Variants in WWOX observed in about 807,000 individuals in gnomAD.
WWOX encodes the protein WW domain containing oxidoreductase, also known as WW domain-containing oxidoreductase.
Under a neutral mutation model 46.2 loss-of-function variants are expected in WWOX, and 69 were observed. That is an observed-to-expected ratio of 1.49 (90% CI 1.23 to 1.82). The LOEUF (loss-of-function observed/expected upper bound fraction) is 1.82. Ranked by LOEUF, WWOX falls within the 40% of genes most tolerant of loss-of-function variation. WWOX has a pLI of 0.00. For synonymous variants in WWOX, 359 were observed against 202.6 expected, an observed-to-expected ratio of 1.77 and a Z score of -6.56; for missense variants, 919 against 542.6, an observed-to-expected ratio of 1.69 and a Z score of -6.89.
At chr16:78,932,907 G>C (rs906818644) in intron 8 of WWOX, among the ~76,000 whole-genome samples, 1 of 152,212 alleles carries the variant, frequency 6.6e-6, no homozygotes, top group South Asian at 2.1e-4. Context: ...AAGTCACTTA[G>C]GAGGAGAACA....
At chr16:78,147,564 C>G (rs1037129217) in intron 4 of WWOX, among the ~76,000 whole-genome samples, 1 of 151,744 alleles carries the variant, frequency 6.6e-6, no homozygotes, top group South Asian at 2.1e-4. Flanking sequence ...TTCCACGTGA[C>G]TTTGGTAGCA....
chr16:78,765,552 G>A (rs550084900), intron 8 of WWOX, among the ~76,000 whole-genome samples: 54 of 152,210 alleles, frequency 3.5e-4, no homozygotes, highest in African/African-American at 1.2e-3. Context: ...GATAGCGGGC[G>A]CCTGTAATCC....
At chr16:78,618,249 A>T (rs2046078968) in intron 8 of WWOX, among the ~76,000 whole-genome samples, 1 of 152,226 alleles carries the variant, frequency 6.6e-6, no homozygotes, top group African/African-American at 2.4e-5. Context: ...GCACTGACGC[A>T]GTTCTCACTC....
chr16:78,320,186 T>G (rs778520478), intron 5 of WWOX, among the ~76,000 whole-genome samples: 5 of 152,200 alleles, frequency 3.3e-5, no homozygotes, highest in Non-Finnish European at 5.9e-5. Flanking sequence ...AAAACCTTCC[T>G]TGCATGTACG....
At chr16:78,634,069 C>A (rs1216591797) in intron 8 of WWOX, among the ~76,000 whole-genome samples, 1 of 152,148 alleles carries the variant, frequency 6.6e-6, no homozygotes, top group African/African-American at 2.4e-5. Context: ...AGTGAGCACT[C>A]TTGAACCCAG....
chr16:78,682,945 T>G (rs2047764303), intron 8 of WWOX, among the ~76,000 whole-genome samples: 1 of 152,134 alleles, frequency 6.6e-6, no homozygotes, highest in Non-Finnish European at 1.5e-5. Flanking sequence ...AGTGAGTGAT[T>G]TCCCCGCGTA....
At chr16:78,183,905 T>G (rs1178752713) in intron 5 of WWOX, among the ~76,000 whole-genome samples, 2 of 152,212 alleles carry the variant, frequency 1.3e-5, no homozygotes, top group Non-Finnish European at 1.5e-5. Flanking sequence ...CTCTGGTCCG[T>G]GAGCCAATTT....
At chr16:79,078,070 C>G (rs1435852577) in intron 8 of WWOX, 1 of 152,168 alleles carries the variant, frequency 6.6e-6, no homozygotes, top group African/African-American at 2.4e-5. Flanking sequence ...AAAAGGTCCC[C>G]TCCCCAGATT....
intron 8 of WWOX, among the ~76,000 whole-genome samples, chr16:78,438,398 T>A (rs573793813): frequency 1.3e-5 from 2 of 152,234 alleles, no homozygotes; most frequent in Admixed American, 6.5e-5. Flanking sequence ...TTATGCTTCC[T>A]TTTTAAAATG....
chr16:78,845,817 A>G (rs1008762879), intron 8 of WWOX, among the ~76,000 whole-genome samples: 2 of 152,254 alleles, frequency 1.3e-5, no homozygotes, highest in African/African-American at 4.8e-5. Flanking sequence ...TTATGTGGGC[A>G]CTTAAGACAT....
chr16:78,547,117 C>T (rs1263614835), intron 8 of WWOX, among the ~76,000 whole-genome samples: 3 of 113,200 alleles, frequency 2.7e-5, no homozygotes, highest in East Asian at 5.8e-4. Context: ...GAGTGTGAGA[C>T]CTTGTCTCAG....
At chr16:78,666,036 A>G (rs777379788) in intron 8 of WWOX, among the ~76,000 whole-genome samples, 36 of 151,914 alleles carry the variant, frequency 2.4e-4, no homozygotes, top group African/African-American at 8.0e-4. Flanking sequence ...TGTAATCCCA[A>G]CACTCTGGGA....
intron 8 of WWOX, among the ~76,000 whole-genome samples, chr16:78,628,269 G>A (rs562948865): frequency 2.6e-5 from 4 of 152,130 alleles, no homozygotes; most frequent in Non-Finnish European, 4.4e-5. Context: ...CACATTGAGT[G>A]GTGCTAATGT....
intron 8 of WWOX, among the ~76,000 whole-genome samples, chr16:79,014,583 C>T (rs1045807495): frequency 2.6e-5 from 4 of 152,168 alleles, no homozygotes; most frequent in African/African-American, 9.7e-5. Context: ...GCAAAAACAA[C>T]CCAACTCCTA....
At chr16:78,556,158 T>C (rs1335576957) in intron 8 of WWOX, among the ~76,000 whole-genome samples, 1 of 151,868 alleles carries the variant, frequency 6.6e-6, no homozygotes, top group East Asian at 1.9e-4. Flanking sequence ...AGAGGGTCAA[T>C]TAGGCCCTCC....
chr16:78,421,224 G>A (rs566856029), intron 6 of WWOX, among the ~76,000 whole-genome samples: 1 of 152,288 alleles, frequency 6.6e-6, no homozygotes, highest in Admixed American at 6.5e-5. Context: ...CAGTTTCAGA[G>A]ACCAAACATC....
At chr16:78,883,003 C>T (rs573678663) in intron 8 of WWOX, among the ~76,000 whole-genome samples, 5 of 151,996 alleles carry the variant, frequency 3.3e-5, no homozygotes, top group African/African-American at 9.7e-5. Flanking sequence ...TGGCTGCTCC[C>T]GACACAAGGA....
intron 8 of WWOX, among the ~76,000 whole-genome samples, chr16:78,830,669 A>G (rs528822683): frequency 2.2e-4 from 34 of 151,672 alleles, no homozygotes; most frequent in Non-Finnish European, 4.7e-4. Flanking sequence ...TGCAGCACCG[A>G]TTGGGGCTGA....
chr16:78,894,270 C>G (rs764499525), intron 8 of WWOX, among the ~76,000 whole-genome samples: 3 of 152,058 alleles, frequency 2.0e-5, no homozygotes, highest in Admixed American at 6.6e-5. Flanking sequence ...ACAACACATA[C>G]ACACACATCT....
Sources: gnomAD v4.1 joint callset for allele counts (sites outside exome capture counted in the v4.1 genomes callset) on GRCh38, gnomAD v4.1.1 for gene constraint, MANE v1.5 for transcripts, NCBI Gene and HGNC (gene_info 2026-07-23, HGNC 2026-07-21) for gene names.